The following RBFOX1 variants were observed in gnomAD, a reference collection of about 807,000 sequenced individuals.
RBFOX1 encodes RNA binding fox-1 homolog 1.
A neutral mutation model predicts 57.7 loss-of-function variants in RBFOX1; 8 were observed. That is an observed-to-expected ratio of 0.14 (90% CI 0.08 to 0.25). The LOEUF is 0.25. RBFOX1 is among the 10% of genes least tolerant of loss of function. RBFOX1 has a pLI of 1.00. For missense variants in RBFOX1, 611 were observed against 548.5 expected (o/e 1.11, Z -1.14); for synonymous variants, 326 against 222.4 (o/e 1.47, Z -4.15).
intron 3 of RBFOX1, among the ~76,000 whole-genome samples, chr16:6,989,019 TC>T (rs1434577598): frequency 2.0e-5 from 3 of 152,082 alleles, no homozygotes; most frequent in African/African-American, 7.2e-5. Context: ...CCCCTCGGAC[TC>T]CCAAAGTGCT....
chr16:6,117,294 T>C (rs968160405), intron 1 of RBFOX1, among the ~76,000 whole-genome samples: 2 of 151,960 alleles, frequency 1.3e-5, no homozygotes, highest in Admixed American at 6.6e-5. Context: ...CAAAAAAAAA[T>C]ATGCATGACA....
chr16:6,695,437 AGG>A lies in RBFOX1; in HGVS notation c.-16+40788_-16+40789del, dbSNP rs748654867. Among the ~76,000 whole-genome samples, 597 of 69,976 alleles carry A rather than the reference AGG, an allele frequency of 8.5e-3. 5 individuals are homozygous for A. The highest frequency in any genetic ancestry group is 0.052 in the Middle Eastern group (7 of 134). The allele number at this position is 69,976 out of a possible 152,430, so 45.9% of individuals were successfully genotyped here. On this transcript the variant is annotated intron_variant, in intron 3 of 15. Coordinates refer to ENST00000550418, the MANE Select transcript of RBFOX1 (RefSeq NM_018723.4). ...TCAAAAAAAAAAAAAAAAAAAAAAA[AGG>A]AAAGGAAGGGAAAGGAAAGGAAAAG...
At chr16:6,175,892 C>A (rs2097002859) in intron 1 of RBFOX1, among the ~76,000 whole-genome samples, 1 of 152,096 alleles carries the variant, frequency 6.6e-6, no homozygotes, top group Admixed American at 6.5e-5. Flanking sequence ...AGGTTTGCAA[C>A]CTTGACTGCC....
rs1034593486 is a variant in RBFOX1 at position 6,774,807 on chromosome 16, A to T, written c.-16+120157A>T. Among the ~76,000 whole-genome samples the T allele has an allele frequency of 3.9e-5, 6 of 152,134 alleles. 1 individual carries two copies. Among genetic ancestry groups the T allele is most frequent in the Middle Eastern group, 3.4e-3 (1 of 294 alleles). On this transcript the variant is annotated intron_variant, in intron 3 of 15. Transcript: ENST00000550418. ...GTGTTTTATACCTGAGCTTTCCAAT[A>T]TAGTAGCCATGAGCCGTATGGGCCT...
chr16:6,732,157 C>G (rs183857086), intron 3 of RBFOX1, among the ~76,000 whole-genome samples: 14 of 152,288 alleles, frequency 9.2e-5, no homozygotes, highest in African/African-American at 2.6e-4. Flanking sequence ...CCCTATACAT[C>G]TGATCCCTCC....
At chr16:5,245,020 A>G (rs1385951378) in intron 1 of RBFOX1, among the ~76,000 whole-genome samples, 1 of 152,238 alleles carries the variant, frequency 6.6e-6, no homozygotes, top group Non-Finnish European at 1.5e-5. Flanking sequence ...GCTTTGGACC[A>G]TAGGGAAATG....
chr16:6,253,189 A>G (rs891684000), intron 1 of RBFOX1, among the ~76,000 whole-genome samples: 10 of 152,130 alleles, frequency 6.6e-5, no homozygotes, highest in African/African-American at 2.4e-4. Flanking sequence ...TCCAAATTCT[A>G]TTTCTCCTAG....
intron 3 of RBFOX1, among the ~76,000 whole-genome samples, chr16:6,693,561 C>T (rs147273135): frequency 1.2e-4 from 18 of 151,950 alleles, no homozygotes; most frequent in Non-Finnish European, 2.2e-4. Flanking sequence ...CCTCCACTGC[C>T]ATCACCACCA....
chr16:6,998,113 C>T (rs964483756), intron 3 of RBFOX1, among the ~76,000 whole-genome samples: 4 of 151,808 alleles, frequency 2.6e-5, no homozygotes, highest in African/African-American at 9.7e-5. Context: ...TGTACAATAG[C>T]ATATGTAGTA....
At chr16:7,244,951 G>C (rs2094228538) in intron 4 of RBFOX1, among the ~76,000 whole-genome samples, 1 of 152,230 alleles carries the variant, frequency 6.6e-6, no homozygotes. Flanking sequence ...GTAGGGAGCA[G>C]TGGGGATTGT....
At chr16:5,818,240 A>G (rs1187070198) in intron 3 of RBFOX1, among the ~76,000 whole-genome samples, 2 of 152,194 alleles carry the variant, frequency 1.3e-5, no homozygotes, top group Non-Finnish European at 2.9e-5. Context: ...GGCATTGTGT[A>G]CCGTCATCAG....
intron 2 of RBFOX1, among the ~76,000 whole-genome samples, chr16:6,649,843 A>G (rs925750219): frequency 1.3e-5 from 2 of 152,152 alleles, no homozygotes; most frequent in African/African-American, 2.4e-5. Flanking sequence ...TATGTATAGT[A>G]TATTATATAT....
At chr16:6,842,634 T>TG (rs2093543098) in intron 3 of RBFOX1, among the ~76,000 whole-genome samples, 1 of 144,536 alleles carries the variant, frequency 6.9e-6, no homozygotes, top group East Asian at 2.1e-4. Flanking sequence ...TTTAGACTGT[T>TG]TTTTTTAAAT....
At chr16:6,921,388 G>A (rs1349870785) in intron 3 of RBFOX1, among the ~76,000 whole-genome samples, 2 of 152,026 alleles carry the variant, frequency 1.3e-5, no homozygotes, top group African/African-American at 2.4e-5. Context: ...GATATGCTTC[G>A]AAGATCACCC....
At chr16:5,987,860 C>A (rs950328647) in intron 4 of RBFOX1, among the ~76,000 whole-genome samples, 4 of 152,220 alleles carry the variant, frequency 2.6e-5, no homozygotes, top group Non-Finnish European at 5.9e-5. Context: ...CAGCTAAGCA[C>A]TTTTCAATAG....
At chr16:5,628,510 C>G (rs187118497) in intron 3 of RBFOX1, among the ~76,000 whole-genome samples, 1 of 152,082 alleles carries the variant, frequency 6.6e-6, no homozygotes, top group African/African-American at 2.4e-5. Flanking sequence ...GGGAAGAACG[C>G]TTTAGGTCAG....
At chr16:6,062,975 C>T (rs930999340) in intron 1 of RBFOX1, among the ~76,000 whole-genome samples, 7 of 152,166 alleles carry the variant, frequency 4.6e-5, no homozygotes, top group Non-Finnish European at 8.8e-5. Flanking sequence ...CATCTTTGCC[C>T]TGAAGAACTT....
At chr16:5,633,745 A>G (rs1217168890) in intron 3 of RBFOX1, among the ~76,000 whole-genome samples, 1 of 151,866 alleles carries the variant, frequency 6.6e-6, no homozygotes, top group Non-Finnish European at 1.5e-5. Context: ...GTCGTGGTGC[A>G]TGCCTGTAAT....
rs566422893 is a variant in RBFOX1 at position 7,711,763 on chromosome 16, G to A, written c.*1018G>A. 2.6e-4 allele frequency: 40 copies of A among 152,704 alleles called. 1 individual carries two copies. In the East Asian group the frequency reaches 3.3e-3, roughly 13 times the overall value. The allele number at this position is 152,704 out of a possible 1,614,324, so 9.5% of individuals were successfully genotyped here. A position where few individuals can be genotyped will look rare whatever the true frequency, so the allele number is the denominator to read the frequency against. ...AGTAGAACAACTGTTAGAGACAGACGTATAATTTTTATGGAATTACATGAT... is the reference window on the plus strand; with the variant it reads ...AGTAGAACAACTGTTAGAGACAGACATATAATTTTTATGGAATTACATGAT... On this transcript the variant is annotated 3_prime_UTR_variant, in exon 16 of 16. Transcript: ENST00000550418.
Sources: allele counts gnomAD v4.1 joint callset (sites outside exome capture counted in the v4.1 genomes callset), GRCh38; gene constraint gnomAD v4.1.1; transcripts MANE v1.5; gene names NCBI Gene and HGNC (gene_info 2026-07-23, HGNC 2026-07-21).